Variants in FNIP2 observed in about 807,000 individuals in gnomAD.
The protein encoded by FNIP2 is folliculin interacting protein 2.
A neutral mutation model predicts 108.7 loss-of-function variants in FNIP2; 32 were observed. The observed-to-expected ratio is 0.29, with a 90% CI of 0.22 to 0.40. FNIP2 has a LOEUF of 0.40. FNIP2 is among the 10% of genes least tolerant of loss of function. The pLI is 1.00. For synonymous variants in FNIP2, 480 were observed against 496.7 expected, an observed-to-expected ratio of 0.97 and a Z score of 0.45; for missense variants, 1,202 against 1,381.6, an observed-to-expected ratio of 0.87 and a Z score of 2.06.
intron 13 of FNIP2, 52 bp downstream of exon 13, chr4:158,869,480 C>T: frequency 1.3e-6 from 2 of 1,500,482 alleles, no homozygotes. Flanking sequence ...ATCCCACTTT[C>T]CTGGCCTGAC....
Position 158,832,373 on chromosome 4 carries a change from C to T in FNIP2, c.554+235C>T, listed in dbSNP as rs963967280. ...GTCTTTATATGTTTTGAGTCTCCAT[C>T]TGTTACCCAGTCACCAATTTTTAAT... is the stretch of plus-strand genomic sequence containing the variant. On this transcript the variant is annotated intron_variant, in intron 5 of 16. Transcript: ENST00000264433. 3.9e-5 allele frequency among the ~76,000 whole-genome samples: 6 copies of T among 152,160 alleles called. No homozygotes were observed. In the South Asian group the frequency reaches 1.2e-3, roughly 31 times the overall value.
At chr4:158,853,645 C>T (rs537744775) in intron 8 of FNIP2, among the ~76,000 whole-genome samples, 4 of 152,194 alleles carry the variant, frequency 2.6e-5, no homozygotes, top group Admixed American at 2.0e-4. Context: ...TCTGTCCTTG[C>T]GATAGTTTGC....
In FNIP2 at chr4:158,769,219, C is replaced by A. The variant is rs1403688031; in HGVS notation, c.7C>A (p.Pro3Thr). 2.7e-6 allele frequency: 4 copies of A among 1,477,030 alleles called. No individual in the cohort carries two copies. Among genetic ancestry groups the A allele is most frequent in the East Asian group, 3.0e-5 (1 of 33,576 alleles). The allele number at this position is 1,477,030 out of a possible 1,614,324, so 91.5% of individuals were successfully genotyped here. A position where few individuals can be genotyped will look rare whatever the true frequency, so the allele number is the denominator to read the frequency against. Reference protein sequence around the residue: MAPTLLQKLFNKR... With the variant: MATTLLQKLFNKR... The stretch of plus-strand genomic sequence containing the variant: ...GAGCTGCGGCGGCGGCATCATGGCC[C>A]CGACCCTGCTCCAGAAGCTCTTCAA... Residue 3 changes from proline (P) to threonine (T), a missense_variant, in exon 1 of 17, where the codon CCG becomes ACG. Physicochemically the swap from Pro to Thr is conservative, Grantham distance 38. This residue lies in a region of FNIP2 where 173 missense variants were observed against 165.9 expected (regional missense o/e 1.04). Transcript: ENST00000264433.
chr4:158,859,237 G>A lies in FNIP2; in HGVS notation c.1038G>A (p.Arg346=). ...CCCTGTTTGAATCTCACATGAACAG[G>A]CTGAAGAGTGCAATTGAAAAGGTAA... ...HFPLFESHMN[R]LKSAIEKAMI... is the part of the protein sequence containing the mutation. Residue 346 remains arginine (R), a synonymous_variant, in exon 9 of 17, where the codon AGG becomes AGA. Coordinates refer to ENST00000264433, the MANE Select transcript of FNIP2 (RefSeq NM_020840.3). 1 of 1,608,980 alleles carries A rather than the reference G, an allele frequency of 6.2e-7. No individual in the cohort carries two copies. The highest frequency in any genetic ancestry group is 8.5e-7 in the Non-Finnish European group (1 of 1,177,108).
At chr4:158,769,387 G>A in intron 1 of FNIP2, 68 bp downstream of exon 1, 1 of 1,117,876 alleles carries the variant, frequency 8.9e-7, no homozygotes, top group Admixed American at 3.0e-5. Flanking sequence ...CCGGGGAGGG[G>A]ACGGGTAGGG....
chr4:158,780,220 AG>A (rs1488576321), intron 1 of FNIP2, among the ~76,000 whole-genome samples: 1 of 151,818 alleles, frequency 6.6e-6, no homozygotes, highest in East Asian at 1.9e-4. Flanking sequence ...AAAAAAAAAA[AG>A]GAAAACTATA....
intron 1 of FNIP2, among the ~76,000 whole-genome samples, chr4:158,811,111 G>A (rs932928895): frequency 6.6e-6 from 1 of 152,118 alleles, no homozygotes; most frequent in Non-Finnish European, 1.5e-5. Flanking sequence ...CACCCTGTGG[G>A]TTATAAAAAC....
Position 158,868,438 on chromosome 4 carries a change from G to T in FNIP2, c.1802G>T (p.Cys601Phe). 1 of 1,613,968 alleles carries T rather than the reference G, an allele frequency of 6.2e-7. No homozygotes were observed. Among genetic ancestry groups the T allele is most frequent in the Admixed American group, 1.7e-5 (1 of 60,022 alleles). ...CCCTGGCCGACAGGGTTTCCTGAGT[G>T]CCCAGAGGGCACTGACAGTAGAGAC... ...HNPWPTGFPECPEGTDSRDLG... is the reference protein window; with the variant it reads ...HNPWPTGFPEFPEGTDSRDLG... Residue 601 changes from cysteine to phenylalanine, a missense_variant, in exon 13 of 17, where the codon TGC becomes TTC. Physicochemically the swap from Cys to Phe is radical, Grantham distance 205. Coordinates refer to ENST00000264433, the MANE Select transcript of FNIP2 (RefSeq NM_020840.3). This position sits in a 1 kb window ranked among gnomAD's most constrained non-coding sequence, Gnocchi z 4.6.
chr4:158,877,038 A>G (rs181530350), intron 14 of FNIP2, among the ~76,000 whole-genome samples: 95 of 152,328 alleles, frequency 6.2e-4, no homozygotes, highest in African/African-American at 2.3e-3. Context: ...CATCTGTGCC[A>G]TTCTCTGCAA....
rs1032085227 is a variant in FNIP2 at position 158,789,327 on chromosome 4, G to A, written c.107+20008G>A. Among the ~76,000 whole-genome samples, 4 of 148,572 alleles carry A rather than the reference G, an allele frequency of 2.7e-5. No homozygotes were observed. The East Asian group carries it at 5.9e-4, about 22-fold the overall frequency. Reference sequence around the variant, plus strand: ...GCAGTGTGTGTGTGTGTGTATGTGTGTGTGTGTGTGAGAAATCACAGGCTT... The same window carrying A: ...GCAGTGTGTGTGTGTGTGTATGTGTATGTGTGTGTGAGAAATCACAGGCTT... On this transcript the variant is annotated intron_variant, in intron 1 of 16. Coordinates refer to ENST00000264433, the MANE Select transcript of FNIP2 (RefSeq NM_020840.3).
intron 1 of FNIP2, among the ~76,000 whole-genome samples, chr4:158,818,607 C>T (rs1464039971): frequency 1.3e-5 from 2 of 152,158 alleles, no homozygotes; most frequent in Non-Finnish European, 2.9e-5. Context: ...GATTACATCT[C>T]AGCCCCTGGA....
intron 14 of FNIP2, among the ~76,000 whole-genome samples, chr4:158,878,076 T>A (rs1024173077): frequency 1.3e-5 from 2 of 151,844 alleles, no homozygotes; most frequent in Non-Finnish European, 2.9e-5. Context: ...AATATCACCA[T>A]CCTCACTGCT....
Position 158,769,144 on chromosome 4 carries a change from G to C in FNIP2, c.-69G>C. Reference sequence around the variant, plus strand: ...CCGCGATGGCCCCGCCACCGCGGCCGCCGCCCCCGGCTGCGCGCTGAGCCG... The same window carrying C: ...CCGCGATGGCCCCGCCACCGCGGCCCCCGCCCCCGGCTGCGCGCTGAGCCG... On this transcript the variant is annotated 5_prime_UTR_variant, in exon 1 of 17. Coordinates refer to ENST00000264433, the MANE Select transcript of FNIP2 (RefSeq NM_020840.3). 1.4e-6 allele frequency: 1 copy of C among 735,946 alleles called. No homozygotes were observed. 45.6% of individuals were successfully genotyped at this position (735,946 alleles called of 1,614,324 possible). A position where few individuals can be genotyped will look rare whatever the true frequency, so the allele number is the denominator to read the frequency against.
chr4:158,782,322 T>C (rs1462149662), intron 1 of FNIP2, among the ~76,000 whole-genome samples: 2 of 152,166 alleles, frequency 1.3e-5, no homozygotes, highest in Admixed American at 6.5e-5. Context: ...ATACGTGTAT[T>C]CCCCAGTCTT....
chr4:158,800,106 C>T (rs753078156), intron 1 of FNIP2, among the ~76,000 whole-genome samples: 1 of 152,170 alleles, frequency 6.6e-6, no homozygotes, highest in East Asian at 1.9e-4. Flanking sequence ...GCCGCTGTTT[C>T]GTTTATCAGG....
rs762197653 is a variant in FNIP2, at chr4:158,861,487, C to G, written c.1294C>G (p.Gln432Glu). Residue 432 changes from glutamine (Q) to glutamate (E), a missense_variant and splice_region_variant, in exon 11 of 17, where the codon CAG becomes GAG. Physicochemically the swap from Gln to Glu is conservative, Grantham distance 29. This residue lies in a region of FNIP2 where 878 missense variants were observed against 990.3 expected (regional missense o/e 0.89). Transcript: ENST00000264433. ...TLLIEQINKNQFFAALLTAVL... is the reference protein window; with the variant it reads ...TLLIEQINKNEFFAALLTAVL... ...TCTGATAGAACAGATAAATAAAAAC[C>G]AGTAAGCTTCAACTCTCTGGAGACT... 6.2e-7 allele frequency: 1 copy of G among 1,613,908 alleles called. No individual in the cohort carries two copies. The highest frequency in any genetic ancestry group is 8.5e-7 in the Non-Finnish European group (1 of 1,179,878).
Position 158,878,882 on chromosome 4 carries a change from T to C in FNIP2, c.2949+8413T>C, listed in dbSNP as rs145579307. On this transcript the variant is annotated intron_variant, in intron 14 of 16. Coordinates refer to ENST00000264433, the MANE Select transcript of FNIP2 (RefSeq NM_020840.3). ...ATTCATGTAAGAACTAAAAACAACT[T>C]CTAAAATTGAAAAATAGTCCCTGAA... 9.9e-4 allele frequency among the ~76,000 whole-genome samples: 134 copies of C among 134,788 alleles called. 10 individuals are homozygous for C. The highest frequency in any genetic ancestry group is 3.8e-3 in the African/African-American group (127 of 33,570). 88.4% of individuals were successfully genotyped at this position (134,788 alleles called of 152,430 possible). A position where few individuals can be genotyped will look rare whatever the true frequency, so the allele number is the denominator to read the frequency against.
chr4:158,782,828 T>C (rs915363826), intron 1 of FNIP2, among the ~76,000 whole-genome samples: 4 of 152,180 alleles, frequency 2.6e-5, no homozygotes, highest in African/African-American at 9.7e-5. Flanking sequence ...AAATACTGCC[T>C]GTAATTGTAT....
chr4:158,792,020 C>T (rs1776434774), intron 1 of FNIP2, among the ~76,000 whole-genome samples: 1 of 152,040 alleles, frequency 6.6e-6, no homozygotes, highest in Non-Finnish European at 1.5e-5. Flanking sequence ...AGGAGGATTG[C>T]TTGAGCCTAG....
Sources: allele counts gnomAD v4.1 joint callset (sites outside exome capture counted in the v4.1 genomes callset), GRCh38; gene constraint gnomAD v4.1.1; regional missense constraint gnomAD v4.1.1; non-coding constraint Gnocchi (gnomAD v3.1); transcripts MANE v1.5; gene names NCBI Gene and HGNC (gene_info 2026-07-23, HGNC 2026-07-21).